The following CPS1 variants were observed in gnomAD, a reference collection of about 807,000 sequenced individuals.
CPS1 encodes the protein carbamoyl-phosphate synthase [ammonia], mitochondrial.
A neutral mutation model predicts 174.6 loss-of-function variants in CPS1; 109 were observed. That is an observed-to-expected ratio of 0.62 (90% confidence interval 0.53 to 0.73). CPS1 has a LOEUF of 0.73. Ranked by LOEUF, CPS1 falls within the 30% of genes least tolerant of loss-of-function variation. CPS1 has a pLI of 0.00. For missense variants in CPS1, 1,689 were observed against 1,821.9 expected (o/e 0.93, Z 1.33); for synonymous variants, 637 against 632.0 (o/e 1.01, Z -0.12).
intron 34 of CPS1, among the ~76,000 whole-genome samples, chr2:210,670,541 AC>A (rs1375633704): frequency 6.6e-6 from 1 of 152,162 alleles, no homozygotes; most frequent in Non-Finnish European, 1.5e-5. Context: ...CTTTTAAAAA[AC>A]ATTTTATTTA....
At chr2:210,637,350 A>T (rs1382491592) in intron 21 of CPS1, among the ~76,000 whole-genome samples, 1 of 152,212 alleles carries the variant, frequency 6.6e-6, no homozygotes, top group Non-Finnish European at 1.5e-5. Context: ...GAGGAAAATG[A>T]AAACTGAAAA....
intron 1 of CPS1, among the ~76,000 whole-genome samples, chr2:210,504,378 C>T (rs545758405): frequency 1.2e-4 from 18 of 152,282 alleles, no homozygotes; most frequent in South Asian, 1.0e-3. Context: ...TAATAGCTAA[C>T]GTTGAGTGCA....
chr2:210,602,171 T>C (rs1471475550), intron 15 of CPS1, 31 bp from the exon 16 acceptor site: 1 of 1,611,168 alleles, frequency 6.2e-7, no homozygotes, highest in Admixed American at 1.7e-5. Context: ...GCTCAGCTTT[T>C]AAAATGTTGA....
intron 1 of CPS1, among the ~76,000 whole-genome samples, chr2:210,507,104 A>C (rs1010794566): frequency 6.6e-6 from 1 of 152,236 alleles, no homozygotes; most frequent in African/African-American, 2.4e-5. Context: ...AATGCAGGAA[A>C]AAATGTTAAG....
intron 1 of CPS1, among the ~76,000 whole-genome samples, chr2:210,488,898 T>C (rs374890082): frequency 8.5e-5 from 13 of 152,258 alleles, no homozygotes; most frequent in Admixed American, 3.3e-4. Context: ...CCTAAGTAAG[T>C]TTACTGAGAT....
intron 1 of CPS1, among the ~76,000 whole-genome samples, chr2:210,561,241 G>A (rs73073547): frequency 0.014 from 2,124 of 152,204 alleles, 46 homozygotes; most frequent in African/African-American, 0.049. Flanking sequence ...AATTTAAGGA[G>A]GCTGTCACTG....
At chr2:210,607,050 T>C in intron 18 of CPS1, 109 bp downstream of exon 18, 2 of 983,672 alleles carry the variant, frequency 2.0e-6, no homozygotes, top group Admixed American at 4.3e-5. Flanking sequence ...GTTCCCTTTT[T>C]CTGTATGTTA....
rs35833900 is a variant in CPS1 at position 210,579,809 on chromosome 2, GGTGT to G, written c.528+61_528+64del. On this transcript the variant is annotated intron_variant, in intron 5 of 37. Transcript: ENST00000233072. ...CTTTAGCCAAATCTATGTTTCTTCG[GGTGT>G]GTGTGTGTGTGTGTGTGTGTGGTGT... is the stretch of plus-strand genomic sequence containing the variant. 9.3e-4 allele frequency: 1,228 copies of G among 1,327,384 alleles called. 1 individual carries two copies. Among genetic ancestry groups the G allele is most frequent in the Non-Finnish European group, 1.1e-3 (1,014 of 938,618 alleles). The allele number at this position is 1,327,384 out of a possible 1,614,324, so 82.2% of individuals were successfully genotyped here. A position where few individuals can be genotyped will look rare whatever the true frequency, so the allele number is the denominator to read the frequency against.
intron 33 of CPS1, among the ~76,000 whole-genome samples, chr2:210,664,879 T>A (rs549202623): frequency 9.2e-5 from 14 of 152,298 alleles, no homozygotes; most frequent in African/African-American, 3.1e-4. Context: ...AAAATCTTAA[T>A]TATGCTTCAA....
chr2:210,586,372 TC>T (rs1314828174), intron 6 of CPS1, among the ~76,000 whole-genome samples: 1 of 152,040 alleles, frequency 6.6e-6, no homozygotes, highest in African/African-American at 2.4e-5. Flanking sequence ...TCATATGACT[TC>T]CCCTTGTTTT....
intron 1 of CPS1, among the ~76,000 whole-genome samples, chr2:210,528,576 A>G (rs1696034755): frequency 6.6e-6 from 1 of 151,954 alleles, no homozygotes; most frequent in Non-Finnish European, 1.5e-5. Context: ...GGGCTGGATT[A>G]ACCAAACAAT....
Position 210,656,625 on chromosome 2 carries a change from T to C in CPS1, c.3659T>C (p.Ile1220Thr). Residue 1220 changes from isoleucine (I) to threonine (T), a missense_variant, in exon 30 of 38, where the codon ATT (isoleucine) becomes ACT (threonine). Ile to Thr is a moderately conservative substitution (Grantham distance 89, BLOSUM62 -1). Transcript: ENST00000233072. ...ACACAAACCATCAGCCAAGGGGCCA[T>C]TGAAAAGGTCATCATTTATAAATAA... Reference protein sequence around the residue: ...LPTQTISQGAIEKVKDATRKI... With the variant: ...LPTQTISQGATEKVKDATRKI... 6.2e-7 allele frequency: 1 copy of C among 1,610,550 alleles called. No homozygotes were observed. Among genetic ancestry groups the C allele is most frequent in the Non-Finnish European group, 8.5e-7 (1 of 1,177,842 alleles).
At chr2:210,496,654 C>T (rs1044645616) in intron 1 of CPS1, among the ~76,000 whole-genome samples, 5 of 150,758 alleles carry the variant, frequency 3.3e-5, no homozygotes, top group Admixed American at 1.4e-4. Flanking sequence ...ACATAACCTA[C>T]ATAGAACTTA....
rs181625711 is a variant in CPS1 at position 210,678,819 on chromosome 2, T to A, written c.*834T>A. On this transcript the variant is annotated 3_prime_UTR_variant, in exon 38 of 38. Coordinates refer to ENST00000233072, the MANE Select transcript of CPS1 (RefSeq NM_001875.5). ...ATGTGTTGTTGTTTTTATCATTGGA[T>A]TTTAACTTGGCCCGAGTGAAATAAT... The A allele has an allele frequency of 6.6e-6, 1 of 152,334 alleles. No individual in the cohort carries two copies. The highest frequency in any genetic ancestry group is 1.9e-4 in the East Asian group (1 of 5,190). The allele number at this position is 152,334 out of a possible 1,614,324, so 9.4% of individuals were successfully genotyped here. A position where few individuals can be genotyped will look rare whatever the true frequency, so the allele number is the denominator to read the frequency against.
chr2:210,551,772 C>A (rs1696736739), upstream of CPS1, among the ~76,000 whole-genome samples: 1 of 151,948 alleles, frequency 6.6e-6, no homozygotes, highest in Non-Finnish European at 1.5e-5. Flanking sequence ...CCAATTGGAT[C>A]TTAATGAATA....
intron 1 of CPS1, among the ~76,000 whole-genome samples, chr2:210,499,353 C>T (rs751599139): frequency 3.3e-5 from 5 of 152,128 alleles, no homozygotes; most frequent in Non-Finnish European, 2.9e-5. Flanking sequence ...GTCCTGGCTG[C>T]AAGTCTCCTC....
intron 3 of CPS1, 27 bp downstream of exon 3, chr2:210,576,517 A>C: frequency 1.2e-6 from 2 of 1,613,098 alleles, no homozygotes; most frequent in Non-Finnish European, 1.7e-6. Context: ...CCATTTAAAA[A>C]GTCTCAATTT....
intron 21 of CPS1, among the ~76,000 whole-genome samples, chr2:210,622,199 A>G (rs1340038110): frequency 6.6e-6 from 1 of 151,610 alleles, no homozygotes; most frequent in Non-Finnish European, 1.5e-5. Flanking sequence ...GAAGCTTAGA[A>G]AGAATACTTA....
At chr2:210,506,505 C>T (rs1695290046) in intron 1 of CPS1, among the ~76,000 whole-genome samples, 1 of 152,206 alleles carries the variant, frequency 6.6e-6, no homozygotes, top group South Asian at 2.1e-4. Flanking sequence ...AGGAACGCAG[C>T]TCCTCACCAG....
Sources: gnomAD v4.1 joint callset for allele counts (sites outside exome capture counted in the v4.1 genomes callset) on GRCh38, gnomAD v4.1.1 for gene constraint, MANE v1.5 for transcripts, NCBI Gene and HGNC (gene_info 2026-07-23, HGNC 2026-07-21) for gene names.